Variants in MIDN observed in about 807,000 individuals in gnomAD.
MIDN encodes the protein midnolin.
Under a neutral mutation model 46.1 loss-of-function variants are expected in MIDN, and 26 were observed. That is an observed-to-expected ratio of 0.56 (90% confidence interval 0.41 to 0.78). MIDN has a LOEUF of 0.78. Among genes scored for constraint, MIDN ranks in the 30% least tolerant of loss-of-function variants. The probability of loss-of-function intolerance (pLI) is 0.00; values close to 1 mark genes in which losing one functional copy is unlikely to be tolerated. For synonymous variants in MIDN, 432 were observed against 343.3 expected (o/e 1.26, Z -2.86); for missense variants, 850 against 771.8 (o/e 1.10, Z -1.20).
rs368568511 is a variant in MIDN at position 1,257,675 on chromosome 19, TC to T, written c.*410del. The T allele has an allele frequency of 1.5e-5, 3 of 197,106 alleles. No individual in the cohort carries two copies. The highest frequency in any genetic ancestry group is 5.8e-5 in the Admixed American group (1 of 17,316). 12.2% of individuals were successfully genotyped at this position (197,106 alleles called of 1,614,324 possible). A position where few individuals can be genotyped will look rare whatever the true frequency, so the allele number is the denominator to read the frequency against. ...GCCCCATCCCTTCCGCCGCCTCCTTTCCCCCCCGACCCTATTCAGGTTTTAA... is the reference window on the plus strand; with the variant it reads ...GCCCCATCCCTTCCGCCGCCTCCTTTCCCCCCGACCCTATTCAGGTTTTAA... On this transcript the variant is annotated 3_prime_UTR_variant, in exon 9 of 9. Transcript: ENST00000682408.
Position 1,258,817 on chromosome 19 carries a change from A to T in MIDN, c.*1545A>T, listed in dbSNP as rs1270309575. On this transcript the variant is annotated 3_prime_UTR_variant, in exon 9 of 9. Coordinates refer to ENST00000682408, the MANE Select transcript of MIDN (RefSeq NM_001388306.1). The stretch of plus-strand genomic sequence containing the variant: ...CAAAAAAAAAAGAAAAAAAAATAGA[A>T]AAAAAAGGAGTAAAAGGGGCGGGTT... 15 of 152,068 alleles carry T rather than the reference A, an allele frequency of 9.9e-5. No individual in the cohort carries two copies. Among genetic ancestry groups the T allele is most frequent in the Non-Finnish European group, 2.9e-5 (2 of 67,992 alleles). The allele number at this position is 152,068 out of a possible 1,614,324, so 9.4% of individuals were successfully genotyped here. A position where few individuals can be genotyped will look rare whatever the true frequency, so the allele number is the denominator to read the frequency against.
At position 1,257,162 on chromosome 19, in the gene MIDN, G is replaced by A. The variant is rs761405102; in HGVS notation, c.1426G>A (p.Gly476Arg). ...CGGCCGCAGCGACAGCAGTAGCAGC[G>A]GGGGCGGCGGCAGCCCCAGCGAGGC... Reference protein sequence around the residue: ...KAGRSDSSSSGGGGSPSEASG... With the variant: ...KAGRSDSSSSRGGGSPSEASG... The change falls in exon 9 of 9, where the codon GGG (glycine) becomes AGG (arginine). Residue 476 changes from glycine to arginine, a missense_variant. By Grantham distance (125) the Gly-to-Arg change is moderately radical. Coordinates refer to ENST00000682408, the MANE Select transcript of MIDN (RefSeq NM_001388306.1). The A allele has an allele frequency of 7.4e-6, 12 of 1,611,586 alleles. No individual in the cohort carries two copies. The highest frequency in any genetic ancestry group is 1.7e-4 in the Middle Eastern group (1 of 6,048).
chr19:1,252,869 G>A (rs1019847996), intron 4 of MIDN, among the ~76,000 whole-genome samples: 1 of 152,176 alleles, frequency 6.6e-6, no homozygotes, highest in Non-Finnish European at 1.5e-5. Flanking sequence ...CAGTGGCGTG[G>A]GGGCAGAGCC....
At position 1,257,380 on chromosome 19, in the gene MIDN, C is replaced by A; in HGVS notation, c.*108C>A. 3.7e-6 allele frequency: 3 copies of A among 810,146 alleles called. No individual in the cohort carries two copies. The highest frequency in any genetic ancestry group is 2.7e-5 in the East Asian group (1 of 37,198). The allele number at this position is 810,146 out of a possible 1,614,324, so 50.2% of individuals were successfully genotyped here. ...CAGCCCTGGAGGGCAGGCGGCCACT[C>A]CCCCAGCCAGAAGTCTTTTTTTCTT... On this transcript the variant is annotated 3_prime_UTR_variant, in exon 9 of 9. Coordinates refer to ENST00000682408, the MANE Select transcript of MIDN (RefSeq NM_001388306.1).
intron 3 of MIDN, 77 bp from the exon 4 acceptor site, chr19:1,251,762 C>T (rs1039148163): frequency 1.5e-4 from 226 of 1,536,780 alleles, no homozygotes; most frequent in Non-Finnish European, 8.2e-5. Context: ...CGCCAGCCAG[C>T]AGGGCCCTCT....
Position 1,255,387 on chromosome 19 carries a change from CCGTGCCGGGCA to C in MIDN, c.986-33_986-23del, listed in dbSNP as rs1568792844. On this transcript the variant is annotated intron_variant, in intron 7 of 8. Transcript: ENST00000682408. ...CCGTCCTGGACATGCGGGACTGTGC[CCGTGCCGGGCA>C]CTCACGGCCACCTCTGCCCGCAGGC... The C allele has an allele frequency of 1.9e-6, 3 of 1,546,778 alleles. No individual in the cohort carries two copies. In the Admixed American group the frequency reaches 5.8e-5, roughly 30 times the overall value.
At chr19:1,253,422 C>T (rs1393092890) in intron 4 of MIDN, among the ~76,000 whole-genome samples, 1 of 11,568 alleles carries the variant, frequency 8.6e-5, no homozygotes, top group South Asian at 2.8e-3. Flanking sequence ...ACCTCCGCCA[C>T]CCCCCCCCCC....
Position 1,251,868 on chromosome 19 carries a change from G to A in MIDN, c.351G>A (p.Val117=). ...MSQASRPEQS[V]MQALESLTET... ...AGGCCTCAAGGCCGGAACAGTCCGTGATGCAAGCTCTCGAGAGTCTCACGG... is the reference window on the plus strand; with the variant it reads ...AGGCCTCAAGGCCGGAACAGTCCGTAATGCAAGCTCTCGAGAGTCTCACGG... The change falls in exon 4 of 9, where the codon GTG becomes GTA. Residue 117 remains valine, a synonymous_variant. Coordinates refer to ENST00000682408, the MANE Select transcript of MIDN (RefSeq NM_001388306.1). The A allele has an allele frequency of 1.2e-6, 2 of 1,613,572 alleles. No homozygotes were observed. Among genetic ancestry groups the A allele is most frequent in the Non-Finnish European group, 1.7e-6 (2 of 1,179,820 alleles).
Position 1,257,511 on chromosome 19 carries a change from CTCCTCT to C in MIDN, c.*245_*250del, listed in dbSNP as rs917653048. 1.4e-5 allele frequency: 6 copies of C among 433,222 alleles called. No individual in the cohort carries two copies. The Admixed American group carries it at 2.4e-4, about 17-fold the overall frequency. The allele number at this position is 433,222 out of a possible 1,614,324, so 26.8% of individuals were successfully genotyped here. On this transcript the variant is annotated 3_prime_UTR_variant, in exon 9 of 9. Transcript: ENST00000682408. ...ACCTCCTTCACCCTTCACTCCTGCC[CTCCTCT>C]TCCTCCTCCTCCTCCTCCTCCGTCT... is the stretch of plus-strand genomic sequence containing the variant.
intron 4 of MIDN, among the ~76,000 whole-genome samples, chr19:1,253,102 C>G (rs923206327): frequency 6.6e-6 from 1 of 151,840 alleles, no homozygotes; most frequent in African/African-American, 2.4e-5. Flanking sequence ...TGCCTGGCAC[C>G]GAGTCATGCC....
At chr19:1,251,527 C>CCG in intron 2 of MIDN, 35 bp from the exon 3 acceptor site, 2 of 1,596,898 alleles carry the variant, frequency 1.3e-6, no homozygotes, top group South Asian at 2.2e-5. Flanking sequence ...TGTGTCGTCT[C>CCG]CGCGGAGTCT....
In MIDN at chr19:1,255,585, ACCGGCCCCCGAC is replaced by A. The variant is rs990194924; in HGVS notation, c.1151_1162del (p.Pro384_Asp387del). On this transcript the variant is annotated inframe_deletion, in exon 8 of 9. Coordinates refer to ENST00000682408, the MANE Select transcript of MIDN (RefSeq NM_001388306.1). ...GCCACGCCCAGTGCTCCCCGGCCTC[ACCGGCCCCCGAC>A]CTGGCCCCCAGAACTACCTCCTGCG... 6 of 1,610,878 alleles carry A rather than the reference ACCGGCCCCCGAC, an allele frequency of 3.7e-6. No homozygotes were observed. In the African/African-American group the frequency reaches 6.7e-5, roughly 18 times the overall value.
rs368352874 is a variant in MIDN at position 1,250,405 on chromosome 19, A to T, written c.109A>T (p.Ser37Cys). 1 of 1,325,984 alleles carries T rather than the reference A, an allele frequency of 7.5e-7. No homozygotes were observed. The highest frequency in any genetic ancestry group is 1.5e-5 in the African/African-American group (1 of 65,334). The allele number at this position is 1,325,984 out of a possible 1,614,324, so 82.1% of individuals were successfully genotyped here. A position where few individuals can be genotyped will look rare whatever the true frequency, so the allele number is the denominator to read the frequency against. ...EAAPMSLAIHSTTGTRYDLAV... is the reference protein window; with the variant it reads ...EAAPMSLAIHCTTGTRYDLAV... ...GGCGCCCATGAGCCTCGCCATCCAC[A>T]GCACCACGGGCACCCGCTACGACCT... The change falls in exon 2 of 9, where the codon AGC (serine) becomes TGC (cysteine). Residue 37 changes from serine (S) to cysteine (C), a missense_variant. By Grantham distance (112) the Ser-to-Cys change is moderately radical (BLOSUM62 -1). Coordinates refer to ENST00000682408, the MANE Select transcript of MIDN (RefSeq NM_001388306.1).
chr19:1,254,208 C>T lies in MIDN; in HGVS notation c.555C>T (p.Ala185=), dbSNP rs759918214. The change falls in exon 6 of 9, where the codon GCC becomes GCT. Residue 185 remains alanine, a synonymous_variant. Coordinates refer to ENST00000682408, the MANE Select transcript of MIDN (RefSeq NM_001388306.1). ...FLSGRSPLTL[A]LRVGDHMMFV... ...CGGGCCGTTCGCCACTGACACTGGC[C>T]TTGCGTGTGGGCGACCACATGATGT... 1.9e-6 allele frequency: 3 copies of T among 1,598,850 alleles called. No homozygotes were observed. Among genetic ancestry groups the T allele is most frequent in the Admixed American group, 1.7e-5 (1 of 59,680 alleles).
Position 1,257,542 on chromosome 19 carries a change from T to G in MIDN, c.*270T>G. ...TTCCTCCTCCTCCTCCTCCTCCGTC[T>G]GTCTCCTTTCACCTCTGCGCCAGGT... On this transcript the variant is annotated 3_prime_UTR_variant, in exon 9 of 9. Coordinates refer to ENST00000682408, the MANE Select transcript of MIDN (RefSeq NM_001388306.1). 7.3e-6 allele frequency: 3 copies of G among 410,948 alleles called. No homozygotes were observed. The highest frequency in any genetic ancestry group is 1.3e-5 in the Non-Finnish European group (3 of 230,738). The allele number at this position is 410,948 out of a possible 1,614,324, so 25.5% of individuals were successfully genotyped here. A position where few individuals can be genotyped will look rare whatever the true frequency, so the allele number is the denominator to read the frequency against.
rs767640303 is a variant in MIDN, at chr19:1,251,865, C to T, written c.348C>T (p.Ser116=). 1.2e-6 allele frequency: 2 copies of T among 1,613,558 alleles called. No individual in the cohort carries two copies. The highest frequency in any genetic ancestry group is 2.2e-5 in the East Asian group (1 of 44,878). ...LMSQASRPEQ[S]VMQALESLTE... ...CTCAGGCCTCAAGGCCGGAACAGTC[C>T]GTGATGCAAGCTCTCGAGAGTCTCA... is the stretch of plus-strand genomic sequence containing the variant. The change falls in exon 4 of 9, where the codon TCC becomes TCT. Residue 116 remains serine (S), a synonymous_variant. Transcript: ENST00000682408.
At chr19:1,256,407 C>CG (rs2081199549) in intron 8 of MIDN, among the ~76,000 whole-genome samples, 2 of 150,542 alleles carry the variant, frequency 1.3e-5, no homozygotes, top group African/African-American at 2.5e-5. Flanking sequence ...GGCGTGAACC[C>CG]AGAGGCGGAG....
intron 7 of MIDN, 44 bp downstream of exon 7, chr19:1,255,105 C>T (rs779715420): frequency 1.3e-6 from 2 of 1,584,636 alleles, no homozygotes; most frequent in South Asian, 2.2e-5. Flanking sequence ...TGTCCCGTGA[C>T]CCTGTGCATT....
rs1016087252 is a variant in MIDN at position 1,258,637 on chromosome 19, T to TC, written c.*1372dup. ...CGTAGGTGAACCCCAGGTCCTCAAC[T>TC]CCCCCCCTTTATGTGTTGAAAGTTA... On this transcript the variant is annotated 3_prime_UTR_variant, in exon 9 of 9. Coordinates refer to ENST00000682408, the MANE Select transcript of MIDN (RefSeq NM_001388306.1). The TC allele has an allele frequency of 4.8e-5, 6 of 125,272 alleles. No homozygotes were observed. Among genetic ancestry groups the TC allele is most frequent in the African/African-American group, 9.0e-5 (3 of 33,286 alleles). 7.8% of individuals were successfully genotyped at this position (125,272 alleles called of 1,614,324 possible).
Sources: gnomAD v4.1 joint callset for allele counts (sites outside exome capture counted in the v4.1 genomes callset) on GRCh38, gnomAD v4.1.1 for gene constraint, MANE v1.5 for transcripts, NCBI Gene and HGNC (gene_info 2026-07-23, HGNC 2026-07-21) for gene names.